Variants in RAB40B observed in about 807,000 individuals in gnomAD.
The protein encoded by RAB40B is RAB40B, member RAS oncogene family, also known as ras-related protein Rab-40B.
Under a neutral mutation model 24.0 loss-of-function variants are expected in RAB40B, and 21 were observed. The ratio of observed to expected loss-of-function variants is 0.88; its 90% CI spans 0.62 to 1.26. The LOEUF is 1.26. Ranked by LOEUF, RAB40B falls within the 50% of genes most tolerant of loss-of-function variation. The pLI is 0.00. For missense variants in RAB40B, 348 were observed against 390.5 expected, an observed-to-expected ratio of 0.89 and a Z score of 0.92; for synonymous variants, 167 against 169.8, an observed-to-expected ratio of 0.98 and a Z score of 0.13.
chr17:82,677,081 T>G (rs1179016446), intron 1 of RAB40B, among the ~76,000 whole-genome samples: 9 of 151,992 alleles, frequency 5.9e-5, no homozygotes, highest in Non-Finnish European at 7.4e-5. Flanking sequence ...CCCGAGTAGC[T>G]GGGATTACAG....
chr17:82,673,677 T>C (rs1044739957), intron 1 of RAB40B, among the ~76,000 whole-genome samples: 2 of 152,242 alleles, frequency 1.3e-5, no homozygotes, highest in Admixed American at 6.5e-5. Context: ...ACCCTCTGAA[T>C]GCAACCTGGT....
In RAB40B at chr17:82,693,139, A is replaced by G. The variant is rs866329013; in HGVS notation, c.142+5316T>C. Among the ~76,000 whole-genome samples the G allele has an allele frequency of 8.5e-5, 13 of 152,084 alleles. No homozygotes were observed. The South Asian group carries it at 2.7e-3, about 32-fold the overall frequency. On this transcript the variant is annotated intron_variant, in intron 1 of 5. Transcript: ENST00000571995. ...TGCCTCAGTCTCCCGAGTAGCTGGG[A>G]ATACAGGTGCCCGCCACCACACCTG...
chr17:82,663,222 C>G lies in RAB40B; in HGVS notation c.203+1274G>C, dbSNP rs1041552450. The stretch of plus-strand genomic sequence containing the variant: ...CACTGTGGAGACAGGCTCCCCAGGA[C>G]TGGCCACTACTAGACGGGGCAGGCG... On this transcript the variant is annotated intron_variant, in intron 2 of 5. Coordinates refer to ENST00000571995, the MANE Select transcript of RAB40B (RefSeq NM_006822.3). The surrounding 1 kb of genome is among the most constrained non-coding windows in gnomAD (Gnocchi z 6.2). Among the ~76,000 whole-genome samples the G allele has an allele frequency of 2.0e-5, 3 of 151,714 alleles. No homozygotes were observed. The highest frequency in any genetic ancestry group is 7.3e-5 in the African/African-American group (3 of 41,272).
In RAB40B at chr17:82,659,539, A is replaced by G. The variant is rs761614642; in HGVS notation, c.342+41T>C. ...TAATTCCTGGCCTGACGTCCTCCCA[A>G]GCCTACAGGGATCTTGGGCAGTGGC... On this transcript the variant is annotated intron_variant, in intron 4 of 5. Coordinates refer to ENST00000571995, the MANE Select transcript of RAB40B (RefSeq NM_006822.3). The G allele has an allele frequency of 3.7e-6, 6 of 1,601,836 alleles. No homozygotes were observed. The Admixed American group carries it at 1.0e-4, about 27-fold the overall frequency.
At chr17:82,683,850 CAAAAGATCTGA>C (rs1598312882) in intron 1 of RAB40B, among the ~76,000 whole-genome samples, 1 of 149,874 alleles carries the variant, frequency 6.7e-6, no homozygotes, top group Non-Finnish European at 1.5e-5. Context: ...AAAAAGTGGG[CAAAAGATCTGA>C]AAAGACACTT....
chr17:82,693,466 G>A (rs1479848635), intron 1 of RAB40B, among the ~76,000 whole-genome samples: 2 of 152,202 alleles, frequency 1.3e-5, no homozygotes, highest in African/African-American at 2.4e-5. Context: ...TTTGCTGGTG[G>A]GAGCACCAAG....
chr17:82,671,576 G>A (rs2046336850), intron 1 of RAB40B, among the ~76,000 whole-genome samples: 3 of 148,148 alleles, frequency 2.0e-5, no homozygotes, highest in African/African-American at 7.5e-5. Context: ...CCCCACCCCT[G>A]TAACTCTAAC....
intron 1 of RAB40B, among the ~76,000 whole-genome samples, chr17:82,695,150 G>A (rs1404626455): frequency 6.6e-6 from 1 of 151,404 alleles, no homozygotes; most frequent in African/African-American, 2.4e-5. Context: ...GGAGGGAAAT[G>A]GAGTGTGGAG....
intron 1 of RAB40B, among the ~76,000 whole-genome samples, chr17:82,671,213 C>T (rs1294805546): frequency 8.3e-6 from 1 of 121,204 alleles, no homozygotes; most frequent in Non-Finnish European, 1.9e-5. Flanking sequence ...CTAACACACA[C>T]TCACACGCTC....
At chr17:82,673,791 A>G (rs1253083375) in intron 1 of RAB40B, among the ~76,000 whole-genome samples, 1 of 152,124 alleles carries the variant, frequency 6.6e-6, no homozygotes, top group East Asian at 1.9e-4. Context: ...GGGCCTTTCA[A>G]TCTGGAGACA....
rs2046200106 is a variant in RAB40B, at chr17:82,663,303, CG to C, written c.203+1192del. Among the ~76,000 whole-genome samples the C allele has an allele frequency of 6.6e-6, 1 of 151,956 alleles. No individual in the cohort carries two copies. The highest frequency in any genetic ancestry group is 1.5e-5 in the Non-Finnish European group (1 of 67,938). ...CCAGCTGCTGGAGGCACACGTGGCT[CG>C]GGGGTGGCCCAGCAGGCAGGAAGGG... On this transcript the variant is annotated intron_variant, in intron 2 of 5. Coordinates refer to ENST00000571995, the MANE Select transcript of RAB40B (RefSeq NM_006822.3). This position sits in a 1 kb window ranked among gnomAD's most constrained non-coding sequence, Gnocchi z 6.2.
At chr17:82,681,746 G>T (rs989807242) in intron 1 of RAB40B, among the ~76,000 whole-genome samples, 1 of 152,084 alleles carries the variant, frequency 6.6e-6, no homozygotes, top group Non-Finnish European at 1.5e-5. Context: ...ATCTATCAAT[G>T]CAATTTATCA....
At chr17:82,677,524 C>T (rs1356558188) in intron 1 of RAB40B, among the ~76,000 whole-genome samples, 20 of 152,198 alleles carry the variant, frequency 1.3e-4, no homozygotes, top group East Asian at 1.9e-4. Context: ...GCCACAGGTC[C>T]GAGGCCCAGA....
At chr17:82,682,158 C>G (rs180845761) in intron 1 of RAB40B, among the ~76,000 whole-genome samples, 1 of 152,062 alleles carries the variant, frequency 6.6e-6, no homozygotes, top group East Asian at 1.9e-4. Flanking sequence ...TGCACACACA[C>G]ACATACACCT....
Position 82,658,605 on chromosome 17 carries a change from T to G in RAB40B, c.451A>C (p.Thr151Pro). 6.2e-7 allele frequency: 1 copy of G among 1,613,388 alleles called. No homozygotes were observed. Among genetic ancestry groups the G allele is most frequent in the Non-Finnish European group, 8.5e-7 (1 of 1,179,998 alleles). Residue 151 changes from threonine (T) to proline (P), a missense_variant, in exon 5 of 6, where the codon ACC (threonine) becomes CCC (proline). Coordinates refer to ENST00000571995, the MANE Select transcript of RAB40B (RefSeq NM_006822.3). ...AQAYAERLGV[T>P]FFEVSPLCNF... The stretch of plus-strand genomic sequence containing the variant: ...CACAGAGGGCTGACCTCAAAGAAGG[T>G]CACGCCCAGGCGCTCGGCGTAGGCC...
intron 1 of RAB40B, among the ~76,000 whole-genome samples, chr17:82,693,324 A>G (rs1010104107): frequency 1.3e-5 from 2 of 151,994 alleles, no homozygotes; most frequent in African/African-American, 4.8e-5. Flanking sequence ...GCATTTTTCC[A>G]AAGAGGAATT....
chr17:82,670,834 C>T (rs1015683403), intron 1 of RAB40B, among the ~76,000 whole-genome samples: 2 of 151,976 alleles, frequency 1.3e-5, no homozygotes, highest in African/African-American at 2.4e-5. Flanking sequence ...CGCCCGGCTT[C>T]CTGATGGTCT....
intron 3 of RAB40B, 100 bp downstream of exon 3, chr17:82,660,887 C>T: frequency 5.5e-6 from 8 of 1,449,664 alleles, no homozygotes; most frequent in South Asian, 3.7e-5. Context: ...GCTTAACCGC[C>T]TTGTCCTCCA....
intron 1 of RAB40B, 150 bp downstream of exon 1, chr17:82,698,305 A>G: frequency 1.4e-6 from 1 of 698,242 alleles, no homozygotes; most frequent in Non-Finnish European, 1.9e-6. Flanking sequence ...CGGGACTCCT[A>G]CCCTCCCCGG....
Sources: allele counts gnomAD v4.1 joint callset (sites outside exome capture counted in the v4.1 genomes callset), GRCh38; gene constraint gnomAD v4.1.1; non-coding constraint Gnocchi (gnomAD v3.1); transcripts MANE v1.5; gene names NCBI Gene and HGNC (gene_info 2026-07-23, HGNC 2026-07-21).